DAGLA: variants seen among roughly 807,000 people sequenced by gnomAD.
The protein encoded by DAGLA is diacylglycerol lipase alpha.
In DAGLA, 22 loss-of-function variants were observed where a neutral mutation model predicts 102.6. That is an observed-to-expected ratio of 0.21 (90% CI 0.15 to 0.31). The LOEUF (loss-of-function observed/expected upper bound fraction) is 0.31. DAGLA is among the 10% of genes least tolerant of loss of function. The pLI is 1.00. For synonymous variants in DAGLA, 578 were observed against 628.9 expected (o/e 0.92, Z 1.21); for missense variants, 927 against 1,446.6 (o/e 0.64, Z 5.83).
At chr11:61,736,178 T>C (rs1327374260) in intron 12 of DAGLA, 92 bp from the exon 13 acceptor site, 2 of 1,066,754 alleles carry the variant, frequency 1.9e-6, no homozygotes, top group Admixed American at 1.8e-5. Flanking sequence ...GAAAAATGGA[T>C]GGGGCAGGGT....
At chr11:61,709,922 C>T (rs554602690) in intron 1 of DAGLA, among the ~76,000 whole-genome samples, 287 of 152,264 alleles carry the variant, frequency 1.9e-3, no homozygotes, top group Non-Finnish European at 2.6e-3. Context: ...GAAGCCTCCC[C>T]ACCTTTGAGC....
intron 1 of DAGLA, among the ~76,000 whole-genome samples, chr11:61,708,450 G>A (rs1478731961): frequency 1.3e-5 from 2 of 151,556 alleles, no homozygotes; most frequent in African/African-American, 2.4e-5. Flanking sequence ...GCGTGATTTC[G>A]GCGCACTGCA....
intron 1 of DAGLA, among the ~76,000 whole-genome samples, chr11:61,718,726 G>T (rs2065257336): frequency 1.3e-5 from 2 of 152,100 alleles, no homozygotes; most frequent in African/African-American, 4.8e-5. Context: ...CCTGAGGGTG[G>T]GGGGAGGAGT....
At chr11:61,683,264 A>G (rs1016158038) in intron 1 of DAGLA, among the ~76,000 whole-genome samples, 2 of 152,174 alleles carry the variant, frequency 1.3e-5, no homozygotes, top group African/African-American at 4.8e-5. Context: ...TCCCAGACCC[A>G]GGGTTGTGAG....
intron 1 of DAGLA, among the ~76,000 whole-genome samples, chr11:61,695,055 C>T (rs1287110076): frequency 2.6e-5 from 4 of 152,200 alleles, no homozygotes; most frequent in South Asian, 4.1e-4. Context: ...TACTCGCAAG[C>T]GTGTTTTTCC....
chr11:61,718,494 C>G (rs896465924), intron 1 of DAGLA, among the ~76,000 whole-genome samples: 4 of 152,110 alleles, frequency 2.6e-5, no homozygotes, highest in East Asian at 1.9e-4. Context: ...CCCCAGCCCC[C>G]CCTCCTGTCC....
intron 1 of DAGLA, among the ~76,000 whole-genome samples, chr11:61,689,740 G>A (rs374202161): frequency 2.0e-5 from 3 of 152,058 alleles, no homozygotes; most frequent in South Asian, 2.1e-4. Flanking sequence ...TCCTGACCTC[G>A]TGATCCATCC....
At chr11:61,737,963 C>T (rs561453136) in intron 15 of DAGLA, among the ~76,000 whole-genome samples, 172 bp from the exon 16 acceptor site, 106 of 152,296 alleles carry the variant, frequency 7.0e-4, no homozygotes, top group African/African-American at 2.5e-3. Context: ...TCTCACTCCT[C>T]AGCTCTGCTC....
At chr11:61,694,940 C>T (rs12794220) in intron 1 of DAGLA, among the ~76,000 whole-genome samples, 46,372 of 152,062 alleles carry the variant, frequency 0.3, 7,433 homozygotes, top group Middle Eastern at 0.39. Context: ...TGGCAAAACC[C>T]AAACATGTGC....
chr11:61,693,643 G>A lies in DAGLA; in HGVS notation c.-45+13139G>A, dbSNP rs539939369. ...ATTACAGGCATGAGCCACCATGCCC[G>A]GCCAAAGATAAGTCTTTTTCTTATG... On this transcript the variant is annotated intron_variant, in intron 1 of 19. Coordinates refer to ENST00000257215, the MANE Select transcript of DAGLA (RefSeq NM_006133.3). Among the ~76,000 whole-genome samples, 317 of 152,288 alleles carry A rather than the reference G, an allele frequency of 2.1e-3. 7 individuals are homozygous for A. The South Asian group carries it at 0.03, about 15-fold the overall frequency.
At chr11:61,739,107 G>A (rs1169079416) in intron 16 of DAGLA, among the ~76,000 whole-genome samples, 1 of 152,186 alleles carries the variant, frequency 6.6e-6, no homozygotes, top group Non-Finnish European at 1.5e-5. Context: ...GGGTGTGTTT[G>A]GCCTCGGACT....
Position 61,720,721 on chromosome 11 carries a change from C to T in DAGLA, c.138C>T (p.Asn46=). ...TGGTGCTCTTCGGCCTGGTCTATAACCCGCACGAGGCCTGCTCCCTGAACC... is the reference window on the plus strand; with the variant it reads ...TGGTGCTCTTCGGCCTGGTCTATAATCCGCACGAGGCCTGCTCCCTGAACC... ...LSVVLFGLVY[N]PHEACSLNLV... is the part of the protein sequence containing the mutation. Residue 46 remains asparagine (N), a synonymous_variant, in exon 3 of 20, where the codon AAC becomes AAT. Coordinates refer to ENST00000257215, the MANE Select transcript of DAGLA (RefSeq NM_006133.3). 3.7e-6 allele frequency: 6 copies of T among 1,613,974 alleles called. No homozygotes were observed. The highest frequency in any genetic ancestry group is 5.1e-6 in the Non-Finnish European group (6 of 1,180,022).
At chr11:61,732,537 A>G (rs920554764) in intron 9 of DAGLA, among the ~76,000 whole-genome samples, 6 of 152,218 alleles carry the variant, frequency 3.9e-5, no homozygotes, top group African/African-American at 1.4e-4. Context: ...AACAGGTGGT[A>G]TCTGTCCTGC....
intron 5 of DAGLA, among the ~76,000 whole-genome samples, chr11:61,724,020 T>C (rs2135585661): frequency 6.6e-6 from 1 of 152,240 alleles, no homozygotes; most frequent in Admixed American, 6.5e-5. Context: ...TTGCCTGAGG[T>C]TACACAGCTA....
chr11:61,699,524 G>T (rs981500113), intron 1 of DAGLA, among the ~76,000 whole-genome samples: 16 of 152,204 alleles, frequency 1.1e-4, no homozygotes, highest in Admixed American at 2.6e-4. Context: ...GCCATGTGCG[G>T]TGGGCATCCC....
chr11:61,742,168 C>G (rs1193120743), intron 19 of DAGLA, among the ~76,000 whole-genome samples: 1 of 152,164 alleles, frequency 6.6e-6, no homozygotes, highest in Non-Finnish European at 1.5e-5. Context: ...GACACACAAG[C>G]CAGCTGACAT....
intron 1 of DAGLA, 55 bp from the exon 2 acceptor site, chr11:61,720,057 G>A: frequency 8.1e-7 from 1 of 1,235,310 alleles, no homozygotes; most frequent in Non-Finnish European, 1.2e-6. Flanking sequence ...GAATGCAGTG[G>A]CCCTGGGTGC....
At position 61,720,128 on chromosome 11, in the gene DAGLA, C is replaced by T; in HGVS notation, c.-28C>T. 6.2e-7 allele frequency: 1 copy of T among 1,607,630 alleles called. No individual in the cohort carries two copies. Among genetic ancestry groups the T allele is most frequent in the Non-Finnish European group, 8.5e-7 (1 of 1,178,250 alleles). ...TTCTTTCAGGAGGTGAGCACCAGGC[C>T]CACTGAGCCTCTGCAGAGCCACCAG... On this transcript the variant is annotated 5_prime_UTR_variant, in exon 2 of 20. Coordinates refer to ENST00000257215, the MANE Select transcript of DAGLA (RefSeq NM_006133.3).
At chr11:61,731,555 CCTT>C in intron 9 of DAGLA, 114 bp downstream of exon 9, 1 of 1,385,422 alleles carries the variant, frequency 7.2e-7, no homozygotes, top group Non-Finnish European at 9.9e-7. Context: ...CTTTTCTACA[CCTT>C]CTCTGGGCCT....
Sources: allele counts gnomAD v4.1 joint callset (sites outside exome capture counted in the v4.1 genomes callset), GRCh38; gene constraint gnomAD v4.1.1; transcripts MANE v1.5; gene names NCBI Gene and HGNC (gene_info 2026-07-23, HGNC 2026-07-21).